The following UNC13A variants were observed in gnomAD, a reference collection of about 807,000 sequenced individuals.
UNC13A encodes protein unc-13 homolog A.
In UNC13A, 61 loss-of-function variants were observed where a neutral mutation model predicts 219.7. The observed-to-expected ratio is 0.28, with a 90% CI of 0.23 to 0.34. The LOEUF (loss-of-function observed/expected upper bound fraction) is 0.34, where lower values mean the gene tolerates loss of function less well. Among genes scored for constraint, UNC13A ranks in the 10% least tolerant of loss-of-function variants. The pLI, the probability that UNC13A is intolerant of heterozygous loss-of-function variation, is 1.00. For missense variants in UNC13A, 1,476 were observed against 2,270.3 expected, an observed-to-expected ratio of 0.65 and a Z score of 7.11; for synonymous variants, 920 against 884.6, an observed-to-expected ratio of 1.04 and a Z score of -0.71.
chr19:17,651,523 G>A (rs531229819), intron 12 of UNC13A, among the ~76,000 whole-genome samples: 1 of 152,206 alleles, frequency 6.6e-6, no homozygotes, highest in Non-Finnish European at 1.5e-5. Flanking sequence ...ACCAAGCCTG[G>A]CCCCGAAAAG....
At chr19:17,650,185 C>T (rs1419005443) in intron 12 of UNC13A, among the ~76,000 whole-genome samples, 4 of 152,080 alleles carry the variant, frequency 2.6e-5, no homozygotes, top group African/African-American at 9.7e-5. Flanking sequence ...TGAATGAAAA[C>T]GTGAATTAAG....
At chr19:17,624,056 TC>T (rs1568507474) in intron 35 of UNC13A, among the ~76,000 whole-genome samples, 1 of 151,374 alleles carries the variant, frequency 6.6e-6, no homozygotes, top group Admixed American at 6.6e-5. Context: ...CCATGGTGTC[TC>T]CCCTCTTTGG....
chr19:17,682,678 A>G (rs1599422192), intron 1 of UNC13A, among the ~76,000 whole-genome samples: 1 of 152,046 alleles, frequency 6.6e-6, no homozygotes, highest in African/African-American at 2.4e-5. Flanking sequence ...GAACGGAGGG[A>G]TGTGTGAAGG....
intron 1 of UNC13A, 125 bp downstream of exon 1, chr19:17,688,053 T>G: frequency 8.0e-7 from 1 of 1,247,906 alleles, no homozygotes; most frequent in South Asian, 1.6e-5. Flanking sequence ...GGGCTACCCC[T>G]CTCAAAAGTC....
chr19:17,623,423 A>G, intron 36 of UNC13A, 119 bp downstream of exon 36: 1 of 563,064 alleles, frequency 1.8e-6, no homozygotes, highest in South Asian at 1.9e-5. Flanking sequence ...GGCGGGAGGG[A>G]GGATGGTGGG....
chr19:17,666,798 C>A, intron 6 of UNC13A, 94 bp from the exon 7 acceptor site: 1 of 891,070 alleles, frequency 1.1e-6, no homozygotes. Flanking sequence ...TCCCGACTTC[C>A]CTCTACCTCC....
intron 2 of UNC13A, among the ~76,000 whole-genome samples, chr19:17,675,003 C>T (rs1458193851): frequency 1.3e-5 from 2 of 152,142 alleles, no homozygotes; most frequent in Non-Finnish European, 2.9e-5. Flanking sequence ...ACTGAGGTCC[C>T]AGAAAAGGGG....
At chr19:17,669,709 G>A in intron 4 of UNC13A, 33 bp from the exon 5 acceptor site, 1 of 1,584,170 alleles carries the variant, frequency 6.3e-7, no homozygotes, top group Admixed American at 1.8e-5. Flanking sequence ...TGTGGGTCAG[G>A]AATCTGCTGG....
chr19:17,667,327 A>C (rs10426324), intron 6 of UNC13A, among the ~76,000 whole-genome samples: 1 of 151,718 alleles, frequency 6.6e-6, no homozygotes, highest in Admixed American at 6.6e-5. Flanking sequence ...GCAGGACAAG[A>C]GTGAAAAAAC....
At position 17,609,792 on chromosome 19, in the gene UNC13A, T is replaced by A. The variant is rs1291335011; in HGVS notation, c.4811+148A>T. ...ATGTCATTCCTGCACTACTAAGGGG[T>A]CTCCCTTTCCAGCACCCCCACCTAG... is the stretch of plus-strand genomic sequence containing the variant. On this transcript the variant is annotated intron_variant, in intron 43 of 43. Transcript: ENST00000519716. The A allele has an allele frequency of 4.4e-6, 5 of 1,126,950 alleles. No homozygotes were observed. In the African/African-American group the frequency reaches 7.8e-5, roughly 18 times the overall value. 69.8% of individuals were successfully genotyped at this position (1,126,950 alleles called of 1,614,324 possible). A position where few individuals can be genotyped will look rare whatever the true frequency, so the allele number is the denominator to read the frequency against.
At chr19:17,625,131 G>A (rs1436839121) in intron 34 of UNC13A, among the ~76,000 whole-genome samples, 179 bp from the exon 35 acceptor site, 1 of 152,210 alleles carries the variant, frequency 6.6e-6, no homozygotes, top group East Asian at 1.9e-4. Context: ...AGAGTGAGTG[G>A]TGGTTGGACT....
In UNC13A at chr19:17,655,502, C is replaced by T; in HGVS notation, c.1284-120G>A. On this transcript the variant is annotated intron_variant, in intron 10 of 43. Transcript: ENST00000519716. Reference sequence around the variant, plus strand: ...CATGGTATCTCTGACCCCTCAGAGACATTAGGACCCACGTGAGTCCCCTGG... The same window carrying T: ...CATGGTATCTCTGACCCCTCAGAGATATTAGGACCCACGTGAGTCCCCTGG... 6 of 831,494 alleles carry T rather than the reference C, an allele frequency of 7.2e-6. No homozygotes were observed. In the South Asian group the frequency reaches 8.4e-5, roughly 12 times the overall value. 51.5% of individuals were successfully genotyped at this position (831,494 alleles called of 1,614,324 possible).
intron 26 of UNC13A, among the ~76,000 whole-genome samples, chr19:17,633,482 CCATCCATTCATT>C (rs898512152): frequency 8.5e-5 from 13 of 152,244 alleles, no homozygotes; most frequent in African/African-American, 3.1e-4. Flanking sequence ...ATCCATCCTT[CCATCCATTCATT>C]CACCCACTCA....
Position 17,626,653 on chromosome 19 carries a change from G to A in UNC13A, c.4053C>T (p.Ile1351=), listed in dbSNP as rs1418067797. ...AQDADNVLQP[I]MDLLDSNLTL... ...CTCACTTGCTGTCCAGCAGGTCCAT[G>A]ATGGGCTGCAACACATTGTCCGCGT... Residue 1351 remains isoleucine (I), a synonymous_variant, in exon 34 of 44, where the codon ATC becomes ATT. Coordinates refer to ENST00000519716, the MANE Select transcript of UNC13A (RefSeq NM_001080421.3). 6.4e-7 allele frequency: 1 copy of A among 1,560,064 alleles called. No homozygotes were observed. Among genetic ancestry groups the A allele is most frequent in the Admixed American group, 1.9e-5 (1 of 51,722 alleles).
Position 17,627,378 on chromosome 19 carries a change from T to A in UNC13A, c.3920+131A>T, listed in dbSNP as rs1336209249. On this transcript the variant is annotated intron_variant, in intron 33 of 43. Coordinates refer to ENST00000519716, the MANE Select transcript of UNC13A (RefSeq NM_001080421.3). This position sits in a 1 kb window ranked among gnomAD's most constrained non-coding sequence, Gnocchi z 4.7. The stretch of plus-strand genomic sequence containing the variant: ...GCTAGTAAGCAGTAAAGCCAAGATT[T>A]GAACTCAGCCTTGTCTAACTCTGAG... 3 of 700,598 alleles carry A rather than the reference T, an allele frequency of 4.3e-6. No individual in the cohort carries two copies. Among genetic ancestry groups the A allele is most frequent in the Non-Finnish European group, 7.2e-6 (3 of 418,350 alleles). The allele number at this position is 700,598 out of a possible 1,614,324, so 43.4% of individuals were successfully genotyped here. A position where few individuals can be genotyped will look rare whatever the true frequency, so the allele number is the denominator to read the frequency against.
chr19:17,670,282 C>CT (rs928926952), intron 4 of UNC13A, among the ~76,000 whole-genome samples: 1 of 151,660 alleles, frequency 6.6e-6, no homozygotes, highest in African/African-American at 2.4e-5. Flanking sequence ...TCTCTATCAC[C>CT]CAGGCTGGAG....
Position 17,602,311 on chromosome 19 carries a change from C to G in UNC13A, c.*3743G>C, listed in dbSNP as rs2076473349. The G allele has an allele frequency of 6.6e-6, 1 of 152,466 alleles. No individual in the cohort carries two copies. The highest frequency in any genetic ancestry group is 1.5e-5 in the Non-Finnish European group (1 of 68,144). The allele number at this position is 152,466 out of a possible 1,614,324, so 9.4% of individuals were successfully genotyped here. A position where few individuals can be genotyped will look rare whatever the true frequency, so the allele number is the denominator to read the frequency against. On this transcript the variant is annotated 3_prime_UTR_variant, in exon 44 of 44. Coordinates refer to ENST00000519716, the MANE Select transcript of UNC13A (RefSeq NM_001080421.3). Reference sequence around the variant, plus strand: ...TATATTTCCACCTCTATGTCTCTCTCCATCTCTGTCTCTCTCCGTCCTCAT... The same window carrying G: ...TATATTTCCACCTCTATGTCTCTCTGCATCTCTGTCTCTCTCCGTCCTCAT...
chr19:17,631,827 C>G (rs569599163), intron 28 of UNC13A, among the ~76,000 whole-genome samples: 9 of 152,358 alleles, frequency 5.9e-5, no homozygotes, highest in African/African-American at 2.2e-4. Flanking sequence ...TTACTGCAAC[C>G]TCTGCCTCCT....
chr19:17,627,796 G>A lies in UNC13A; in HGVS notation c.3831+67C>T. 3.3e-6 allele frequency: 5 copies of A among 1,512,406 alleles called. No individual in the cohort carries two copies. The highest frequency in any genetic ancestry group is 3.6e-6 in the Non-Finnish European group (4 of 1,109,452). 93.7% of individuals were successfully genotyped at this position (1,512,406 alleles called of 1,614,324 possible). On this transcript the variant is annotated intron_variant, in intron 32 of 43. Transcript: ENST00000519716. This position sits in a 1 kb window ranked among gnomAD's most constrained non-coding sequence, Gnocchi z 4.7. ...AGGCCTGGTGGCATATGAGCTCAGG[G>A]GCCTGCAGGGACACAGTGGTGGGGG...
Sources: allele counts gnomAD v4.1 joint callset (sites outside exome capture counted in the v4.1 genomes callset), GRCh38; gene constraint gnomAD v4.1.1; non-coding constraint Gnocchi (gnomAD v3.1); transcripts MANE v1.5; gene names NCBI Gene and HGNC (gene_info 2026-07-23, HGNC 2026-07-21).